Variants in DRC8 observed in about 807,000 individuals in gnomAD.
The protein encoded by DRC8 is dynein regulatory complex subunit 8.
At chr1:245,066,890 G>C in the DRC8 span, among the ~76,000 whole-genome samples, 3 of 152,024 alleles carry the variant, frequency 2.0e-5, no homozygotes, top group Admixed American at 2.0e-4. Context: ...CTGGGTGACA[G>C]AGTGAGACTC....
At chr1:244,974,956 A>C in the DRC8 span, among the ~76,000 whole-genome samples, 3 of 150,426 alleles carry the variant, frequency 2.0e-5, no homozygotes, top group Admixed American at 6.6e-5. Context: ...TTTGAGATGG[A>C]GTCTCGCTCT....
At chr1:245,100,807 A>T in the DRC8 span, among the ~76,000 whole-genome samples, 1 of 107,206 alleles carries the variant, frequency 9.3e-6, no homozygotes, top group African/African-American at 2.8e-5. Context: ...AATAATAATA[A>T]TAATAATAAA....
At chr1:244,992,050 G>T in the DRC8 span, among the ~76,000 whole-genome samples, 2 of 152,222 alleles carry the variant, frequency 1.3e-5, no homozygotes, top group African/African-American at 4.8e-5. Context: ...CTTCTAACTA[G>T]CAAACGCAGT....
At chr1:244,982,140 C>G in the DRC8 span, among the ~76,000 whole-genome samples, 1 of 152,114 alleles carries the variant, frequency 6.6e-6, no homozygotes, top group Non-Finnish European at 1.5e-5. Flanking sequence ...AATCTGGCAC[C>G]TACAGCTACA....
the DRC8 span, among the ~76,000 whole-genome samples, chr1:245,089,929 AAGGTAGT>A: frequency 6.6e-6 from 1 of 152,052 alleles, no homozygotes; most frequent in African/African-American, 2.4e-5. This position sits in a 1 kb window ranked among gnomAD's most constrained non-coding sequence, Gnocchi z 4.8. Context: ...TTTGGAGAGG[AAGGTAGT>A]AGGTTATAGA....
chr1:245,037,991 A>G, the DRC8 span, among the ~76,000 whole-genome samples: 4 of 152,158 alleles, frequency 2.6e-5, no homozygotes, highest in Admixed American at 1.3e-4. Flanking sequence ...AGATGAACAA[A>G]TAGACATACC....
the DRC8 span, among the ~76,000 whole-genome samples, chr1:245,110,177 G>A: frequency 2.6e-5 from 4 of 152,112 alleles, no homozygotes; most frequent in Non-Finnish European, 4.4e-5. Context: ...GAGGTCAGGA[G>A]TTCGAGACCA....
the DRC8 span, among the ~76,000 whole-genome samples, chr1:245,032,791 C>T: frequency 1.2e-4 from 18 of 151,984 alleles, no homozygotes; most frequent in African/African-American, 2.4e-4. Context: ...CTCTAGGATC[C>T]TGGATTTCAT....
the DRC8 span, among the ~76,000 whole-genome samples, chr1:245,061,449 T>C: frequency 0.018 from 2,788 of 152,322 alleles, 80 homozygotes; most frequent in African/African-American, 0.063. Context: ...AGAATACTTA[T>C]GTACCAGTAG....
the DRC8 span, among the ~76,000 whole-genome samples, chr1:245,084,644 T>C: frequency 1.3e-5 from 2 of 152,168 alleles, no homozygotes; most frequent in African/African-American, 4.8e-5. Flanking sequence ...CCTGAAACCA[T>C]CCTCATATTG....
the DRC8 span, among the ~76,000 whole-genome samples, chr1:245,111,241 C>G: frequency 6.6e-6 from 1 of 152,200 alleles, no homozygotes; most frequent in African/African-American, 2.4e-5. Context: ...CAGGTCTGCA[C>G]TCGTGGGCAC....
the DRC8 span, among the ~76,000 whole-genome samples, chr1:245,067,736 A>G: frequency 6.6e-6 from 1 of 152,166 alleles, no homozygotes; most frequent in Non-Finnish European, 1.5e-5. Flanking sequence ...GGACTCTATC[A>G]TTGAGCTTCT....
chr1:244,980,075 T>G, the DRC8 span, among the ~76,000 whole-genome samples: 1 of 58,208 alleles, frequency 1.7e-5, no homozygotes, highest in Non-Finnish European at 4.1e-5. Flanking sequence ...AAAAATTAGC[T>G]GGGCGTGGTG....
chr1:245,044,483 TTTTTA>T, the DRC8 span, among the ~76,000 whole-genome samples: 5,253 of 152,220 alleles, frequency 0.035, 321 homozygotes, highest in African/African-American at 0.12. Flanking sequence ...TGGTTTCAGT[TTTTTA>T]TTTTATTTTA....
At chr1:245,058,472 A>G in the DRC8 span, among the ~76,000 whole-genome samples, 1 of 152,198 alleles carries the variant, frequency 6.6e-6, no homozygotes, top group Admixed American at 6.5e-5. Context: ...GAAGAAATTT[A>G]AAATTCTTAT....
At chr1:245,064,743 G>A in the DRC8 span, among the ~76,000 whole-genome samples, 1 of 152,144 alleles carries the variant, frequency 6.6e-6, no homozygotes, top group Non-Finnish European at 1.5e-5. Flanking sequence ...AGTTCTGAAG[G>A]CACTGCTCAT....
the DRC8 span, chr1:244,970,426 A>C: frequency 6.5e-7 from 1 of 1,537,732 alleles, no homozygotes; most frequent in South Asian, 1.2e-5. Context: ...AAGATGGCGG[A>C]CGAGAAGGAC....
At chr1:245,074,600 ACT>A in the DRC8 span, among the ~76,000 whole-genome samples, 2 of 152,114 alleles carry the variant, frequency 1.3e-5, no homozygotes, top group Non-Finnish European at 2.9e-5. Flanking sequence ...TGATTCTTAG[ACT>A]CTCTGGTGAT....
chr1:245,003,356 A>T, the DRC8 span, among the ~76,000 whole-genome samples: 2 of 152,320 alleles, frequency 1.3e-5, no homozygotes, highest in East Asian at 3.9e-4. Context: ...CTTTATGAGG[A>T]ACTACGATAC....
Sources: allele counts gnomAD v4.1 joint callset (sites outside exome capture counted in the v4.1 genomes callset), GRCh38; gene constraint gnomAD v4.1.1; non-coding constraint Gnocchi (gnomAD v3.1); transcripts MANE v1.5; gene names NCBI Gene and HGNC (gene_info 2026-07-23, HGNC 2026-07-21).